The following PTPRD variants were observed in gnomAD, a reference collection of about 807,000 sequenced individuals.
The protein encoded by PTPRD is receptor-type tyrosine-protein phosphatase delta.
A neutral mutation model predicts 214.5 loss-of-function variants in PTPRD; 34 were observed. That is an observed-to-expected ratio of 0.16 (90% CI 0.12 to 0.21). The LOEUF is 0.21. PTPRD is among the 10% of genes least tolerant of loss of function. The pLI is 1.00. For synonymous variants in PTPRD, 1,128 were observed against 845.7 expected, an observed-to-expected ratio of 1.33 and a Z score of -5.79; for missense variants, 2,545 against 2,398.7, an observed-to-expected ratio of 1.06 and a Z score of -1.27.
At chr9:10,199,482 T>C (rs2099411064) in intron 3 of PTPRD, among the ~76,000 whole-genome samples, 3 of 152,166 alleles carry the variant, frequency 2.0e-5, no homozygotes, top group Admixed American at 2.0e-4. Context: ...TCAGGCACTC[T>C]TGCTTTATCT....
chr9:10,097,402 CTT>C (rs945527788), intron 3 of PTPRD, among the ~76,000 whole-genome samples: 2 of 147,944 alleles, frequency 1.4e-5, no homozygotes, highest in Admixed American at 6.8e-5. Context: ...TTTGTATCCT[CTT>C]TTATTTCCTT....
chr9:8,476,251 G>A (rs10119472), intron 30 of PTPRD, among the ~76,000 whole-genome samples: 4 of 152,046 alleles, frequency 2.6e-5, no homozygotes, highest in African/African-American at 4.8e-5. Flanking sequence ...ATAAAGAGCC[G>A]GCAACCTAAA....
intron 2 of PTPRD, among the ~76,000 whole-genome samples, chr9:10,536,840 C>G (rs1300658051): frequency 6.6e-6 from 1 of 152,100 alleles, no homozygotes; most frequent in African/African-American, 2.4e-5. Context: ...GGATCATGCC[C>G]TATTTCATGG....
At chr9:8,794,393 G>C (rs1237040595) in intron 11 of PTPRD, among the ~76,000 whole-genome samples, 1 of 151,794 alleles carries the variant, frequency 6.6e-6, no homozygotes, top group Non-Finnish European at 1.5e-5. Context: ...AAAATGTGTA[G>C]AAAATCATCT....
Position 8,433,653 on chromosome 9 carries a change from G to A in PTPRD, c.4086+2939C>T, listed in dbSNP as rs542907110. Among the ~76,000 whole-genome samples, 10 of 152,218 alleles carry A rather than the reference G, an allele frequency of 6.6e-5. No individual in the cohort carries two copies. The South Asian group carries it at 1.2e-3, about 19-fold the overall frequency. On this transcript the variant is annotated intron_variant, in intron 35 of 45. Transcript: ENST00000381196. ...GTTAATATAATTTAAATAGAAAAAC[G>A]CTTATAAAATAAGGATATAAAGAAA...
At chr9:9,747,378 C>T (rs2098468289) in intron 6 of PTPRD, among the ~76,000 whole-genome samples, 1 of 152,098 alleles carries the variant, frequency 6.6e-6, no homozygotes, top group South Asian at 2.1e-4. Flanking sequence ...ACTCGTGCAG[C>T]ACAGAACTTT....
At chr9:10,085,234 G>A (rs1222608874) in intron 3 of PTPRD, among the ~76,000 whole-genome samples, 4 of 151,788 alleles carry the variant, frequency 2.6e-5, no homozygotes, top group Admixed American at 6.6e-5. Context: ...TTGACAACAC[G>A]CCTTCTCAAC....
chr9:10,069,949 T>C (rs1269804270), intron 3 of PTPRD, among the ~76,000 whole-genome samples: 2 of 152,052 alleles, frequency 1.3e-5, no homozygotes, highest in African/African-American at 2.4e-5. Flanking sequence ...TGCTCTAGGA[T>C]ACTATTTCAA....
chr9:9,566,359 G>T (rs2084528616), intron 8 of PTPRD, among the ~76,000 whole-genome samples: 1 of 151,898 alleles, frequency 6.6e-6, no homozygotes, highest in Admixed American at 6.6e-5. Flanking sequence ...TGTACAATGA[G>T]CTTAAATTAA....
chr9:9,729,893 T>C (rs2098158758), intron 7 of PTPRD, among the ~76,000 whole-genome samples: 1 of 152,138 alleles, frequency 6.6e-6, no homozygotes, highest in Admixed American at 6.6e-5. Flanking sequence ...TAATAACAAC[T>C]TTAATAACTG....
intron 10 of PTPRD, among the ~76,000 whole-genome samples, chr9:9,086,691 A>C (rs962678805): frequency 3.3e-5 from 5 of 152,184 alleles, no homozygotes; most frequent in Non-Finnish European, 7.3e-5. Flanking sequence ...GTCCCAGCTG[A>C]AGTGACTAAC....
At chr9:9,979,948 T>G (rs2095483781) in intron 4 of PTPRD, among the ~76,000 whole-genome samples, 1 of 152,156 alleles carries the variant, frequency 6.6e-6, no homozygotes, top group Admixed American at 6.5e-5. Context: ...CTGAGAAAAG[T>G]AAAATTCGAT....
chr9:10,217,453 C>T (rs903038761), intron 3 of PTPRD, among the ~76,000 whole-genome samples: 3 of 151,828 alleles, frequency 2.0e-5, no homozygotes, highest in Middle Eastern at 3.2e-3. Flanking sequence ...GGGATGTGAA[C>T]AGAAGGCAAG....
chr9:9,762,154 T>G (rs1355227242), intron 6 of PTPRD, among the ~76,000 whole-genome samples: 1 of 152,172 alleles, frequency 6.6e-6, no homozygotes, highest in East Asian at 1.9e-4. Context: ...GTCTGACCTG[T>G]TGAAACTGTG....
At chr9:9,305,401 C>T (rs2135136971) in intron 9 of PTPRD, among the ~76,000 whole-genome samples, 1 of 152,068 alleles carries the variant, frequency 6.6e-6, no homozygotes, top group Non-Finnish European at 1.5e-5. Flanking sequence ...GTGTGAGGCA[C>T]TGTATAAGGT....
chr9:8,792,080 G>A lies in PTPRD; in HGVS notation c.-103-58134C>T, dbSNP rs117866642. ...GGCGGAAAAAAAGCTGAAATAGTTC[G>A]TTTTTAGACAACGTCAAAATGACCT... is the stretch of plus-strand genomic sequence containing the variant. On this transcript the variant is annotated intron_variant, in intron 11 of 45. Coordinates refer to ENST00000381196, the MANE Select transcript of PTPRD (RefSeq NM_002839.4). 3.4e-4 allele frequency among the ~76,000 whole-genome samples: 51 copies of A among 152,216 alleles called. No individual in the cohort carries two copies. In the East Asian group the frequency reaches 8.3e-3, roughly 25 times the overall value.
chr9:8,569,606 A>G (rs2090496868), intron 14 of PTPRD, among the ~76,000 whole-genome samples: 1 of 152,092 alleles, frequency 6.6e-6, no homozygotes, highest in Non-Finnish European at 1.5e-5. Flanking sequence ...ATGAAAATTA[A>G]AAAGAATCAC....
In PTPRD at chr9:9,130,299, T is replaced by A. The variant is rs1201180564; in HGVS notation, c.-143+53005A>T. Among the ~76,000 whole-genome samples, 4 of 152,326 alleles carry A rather than the reference T, an allele frequency of 2.6e-5. No individual in the cohort carries two copies. In the South Asian group the frequency reaches 8.3e-4, roughly 32 times the overall value. ...TGATTACTATGAAAATTTGGGCATT[T>A]ACTTTTCATCTATTTATAATAAAAC... On this transcript the variant is annotated intron_variant, in intron 10 of 45. Coordinates refer to ENST00000381196, the MANE Select transcript of PTPRD (RefSeq NM_002839.4).
chr9:9,987,331 C>A (rs1375585832), intron 4 of PTPRD, among the ~76,000 whole-genome samples: 2 of 152,030 alleles, frequency 1.3e-5, no homozygotes, highest in Non-Finnish European at 2.9e-5. Flanking sequence ...ATAAGACATG[C>A]CGGAGACTGG....
Sources: gnomAD v4.1 joint callset for allele counts (sites outside exome capture counted in the v4.1 genomes callset) on GRCh38, gnomAD v4.1.1 for gene constraint, MANE v1.5 for transcripts, NCBI Gene and HGNC (gene_info 2026-07-23, HGNC 2026-07-21) for gene names.